Variants in DLG5 observed in about 807,000 individuals in gnomAD.
DLG5 encodes discs large MAGUK scaffold protein 5.
In DLG5, 48 loss-of-function variants were observed where a neutral mutation model predicts 189.8. The observed-to-expected ratio is 0.25, with a 90% CI of 0.20 to 0.32. The LOEUF is 0.32. DLG5 is among the 10% of genes least tolerant of loss of function. The probability of loss-of-function intolerance (pLI) is 1.00; values close to 1 mark genes in which losing one functional copy is unlikely to be tolerated. For missense variants in DLG5, 2,160 were observed against 2,544.7 expected (o/e 0.85, Z 3.25); for synonymous variants, 1,016 against 1,054.1 (o/e 0.96, Z 0.70).
intron 1 of DLG5, among the ~76,000 whole-genome samples, chr10:77,900,483 G>A (rs371314567): frequency 6.6e-6 from 1 of 152,156 alleles, no homozygotes; most frequent in Admixed American, 6.5e-5. Context: ...CTTCACCCCG[G>A]GGCCCCCTTC....
chr10:77,809,419 A>G, intron 24 of DLG5, 128 bp downstream of exon 24: 1 of 1,083,544 alleles, frequency 9.2e-7, no homozygotes, highest in African/African-American at 1.6e-5. Flanking sequence ...AACAACAACA[A>G]AAGTCAGCCC....
intron 1 of DLG5, among the ~76,000 whole-genome samples, chr10:77,922,788 G>A (rs542274095): frequency 2.0e-5 from 3 of 152,242 alleles, no homozygotes; most frequent in East Asian, 1.9e-4. Flanking sequence ...TATCAATACC[G>A]GAATAAGAGC....
chr10:77,896,026 G>T lies in DLG5; in HGVS notation c.305-26829C>A, dbSNP rs540596098. 4.6e-5 allele frequency among the ~76,000 whole-genome samples: 7 copies of T among 152,220 alleles called. No homozygotes were observed. In the South Asian group the frequency reaches 1.5e-3, roughly 32 times the overall value. On this transcript the variant is annotated intron_variant, in intron 1 of 31. Coordinates refer to ENST00000372391, the MANE Select transcript of DLG5 (RefSeq NM_004747.4). ...AGAACAAAAATTAGCCAGGCGTGGT[G>T]ATGCACGCCTGTAATCCCAGCTACT...
At chr10:77,925,487 C>T (rs368111385) in intron 1 of DLG5, among the ~76,000 whole-genome samples, 2 of 152,206 alleles carry the variant, frequency 1.3e-5, no homozygotes, top group South Asian at 2.1e-4. Flanking sequence ...ATCAGTCATC[C>T]CCAAGACCAA....
chr10:77,803,079 T>C (rs957024059), intron 27 of DLG5, among the ~76,000 whole-genome samples: 2 of 151,914 alleles, frequency 1.3e-5, no homozygotes, highest in African/African-American at 4.8e-5. Context: ...AAGAATAAAA[T>C]AGAAACAACT....
chr10:77,829,847 T>C (rs974314408), intron 11 of DLG5, among the ~76,000 whole-genome samples: 19 of 152,244 alleles, frequency 1.2e-4, no homozygotes, highest in African/African-American at 4.6e-4. Context: ...TTAATTTCTA[T>C]AAAGTGCTTA....
intron 2 of DLG5, chr10:77,868,078 T>C: frequency 2.2e-6 from 1 of 456,608 alleles, no homozygotes; most frequent in South Asian, 1.5e-5. Flanking sequence ...CCCTAGCGCC[T>C]TCAGCCTGCG....
rs561581321 is a variant in DLG5 at position 77,828,336 on chromosome 10, AT to A, written c.2289+545del. ...CCCCATCTCTACTAAAAGTACAAAA[AT>A]TAGCCAGGCATGGTGGTGCACACCC... On this transcript the variant is annotated intron_variant, in intron 13 of 31. Coordinates refer to ENST00000372391, the MANE Select transcript of DLG5 (RefSeq NM_004747.4). 7.9e-4 allele frequency among the ~76,000 whole-genome samples: 120 copies of A among 152,226 alleles called. 1 individual carries two copies. Among genetic ancestry groups the A allele is most frequent in the African/African-American group, 2.6e-3 (110 of 41,540 alleles).
chr10:77,875,816 A>G (rs200651694), intron 1 of DLG5, among the ~76,000 whole-genome samples: 4 of 148,832 alleles, frequency 2.7e-5, no homozygotes, highest in East Asian at 3.9e-4. Context: ...GGTGGCAGGG[A>G]AAAAAAAAAG....
chr10:77,856,923 T>C, intron 2 of DLG5, 31 bp from the exon 3 acceptor site: 1 of 1,595,808 alleles, frequency 6.3e-7, no homozygotes, highest in African/African-American at 1.3e-5. Context: ...AGTGAACTTG[T>C]GTTCATCTGG....
intron 9 of DLG5, among the ~76,000 whole-genome samples, chr10:77,831,479 T>C (rs961736594): frequency 1.2e-4 from 18 of 152,202 alleles, no homozygotes; most frequent in African/African-American, 4.3e-4. Flanking sequence ...TATTCTAAAA[T>C]GTATACAAAA....
chr10:77,816,512 A>G (rs770069927), intron 20 of DLG5, 39 bp downstream of exon 20: 5 of 1,613,588 alleles, frequency 3.1e-6, no homozygotes, highest in Non-Finnish European at 4.2e-6. Flanking sequence ...CACACTGTCC[A>G]CTGGTTTACC....
chr10:77,913,048 G>A (rs77346741), intron 1 of DLG5, among the ~76,000 whole-genome samples: 1 of 152,094 alleles, frequency 6.6e-6, no homozygotes, highest in South Asian at 2.1e-4. Flanking sequence ...TCTCACCTAA[G>A]AGTGCAGTTA....
At chr10:77,937,861 G>A in the DLG5 span, among the ~76,000 whole-genome samples, 4 of 147,182 alleles carry the variant, frequency 2.7e-5, no homozygotes, top group Non-Finnish European at 4.5e-5. Context: ...GGGATTACAG[G>A]TGCACTCAGC....
Position 77,828,870 on chromosome 10 carries a change from C to G in DLG5, c.2289+12G>C. ...CACGGCAGATGACCCTGGCTCCAGC[C>G]TTGAGACTTACCGCAACGATCCTGT... On this transcript the variant is annotated intron_variant, in intron 13 of 31. Transcript: ENST00000372391. The G allele has an allele frequency of 6.5e-7, 1 of 1,543,810 alleles. No individual in the cohort carries two copies. Among genetic ancestry groups the G allele is most frequent in the South Asian group, 1.1e-5 (1 of 88,400 alleles).
chr10:77,887,944 G>C (rs146418548), intron 1 of DLG5, among the ~76,000 whole-genome samples: 2 of 152,310 alleles, frequency 1.3e-5, no homozygotes, highest in African/African-American at 2.4e-5. Context: ...TCTCATGGCA[G>C]AGAGAGTTCC....
intron 26 of DLG5, 38 bp downstream of exon 26, chr10:77,806,720 C>T (rs1470322108): frequency 1.6e-5 from 20 of 1,220,282 alleles, no homozygotes; most frequent in South Asian, 2.4e-5. Flanking sequence ...CCTCGGCGAC[C>T]CCTGCCCCAC....
chr10:77,817,468 C>A (rs1452023795), intron 18 of DLG5, among the ~76,000 whole-genome samples: 3 of 152,178 alleles, frequency 2.0e-5, no homozygotes, highest in African/African-American at 7.2e-5. Context: ...GTATGAAGAG[C>A]CATACAAAAC....
chr10:77,822,883 T>C (rs1483183247), intron 14 of DLG5, among the ~76,000 whole-genome samples: 2 of 152,138 alleles, frequency 1.3e-5, no homozygotes. Flanking sequence ...CACAAAAGCA[T>C]GGAGGCAGTA....
Sources: allele counts gnomAD v4.1 joint callset (sites outside exome capture counted in the v4.1 genomes callset), GRCh38; gene constraint gnomAD v4.1.1; transcripts MANE v1.5; gene names NCBI Gene and HGNC (gene_info 2026-07-23, HGNC 2026-07-21).